The following NRXN1 variants were observed in gnomAD, a reference collection of about 807,000 sequenced individuals.
The protein encoded by NRXN1 is neurexin 1, also known as neurexin-1.
NRXN1 carries 39 observed loss-of-function variants against 150.9 expected under a neutral mutation model. The observed-to-expected ratio is 0.26, with a 90% CI of 0.20 to 0.34. NRXN1 has a LOEUF of 0.34. Ranked by LOEUF, NRXN1 falls within the 10% of genes least tolerant of loss-of-function variation. The pLI, the probability that NRXN1 is intolerant of heterozygous loss-of-function variation, is 1.00. For missense variants in NRXN1, 1,815 were observed against 1,949.9 expected (o/e 0.93, Z 1.30); for synonymous variants, 924 against 757.0 (o/e 1.22, Z -3.62).
At chr2:50,629,097 A>G (rs1252784513) in intron 5 of NRXN1, among the ~76,000 whole-genome samples, 5 of 151,674 alleles carry the variant, frequency 3.3e-5, no homozygotes, top group Non-Finnish European at 7.4e-5. Flanking sequence ...GGCCTACCCT[A>G]TGATCCACCA....
intron 2 of NRXN1, among the ~76,000 whole-genome samples, chr2:50,929,221 C>T (rs1286564940): frequency 6.6e-6 from 1 of 151,882 alleles, no homozygotes; most frequent in East Asian, 1.9e-4. Flanking sequence ...CTTAAGTATA[C>T]GGTTCTAGGA....
At chr2:50,714,427 T>C (rs1216526059) in intron 5 of NRXN1, among the ~76,000 whole-genome samples, 1 of 152,102 alleles carries the variant, frequency 6.6e-6, no homozygotes, top group African/African-American at 2.4e-5. Context: ...GCTAGGTTGG[T>C]GCATGTCCAA....
At chr2:50,259,128 C>T (rs1243365131) in intron 17 of NRXN1, among the ~76,000 whole-genome samples, 1 of 151,944 alleles carries the variant, frequency 6.6e-6, no homozygotes, top group Non-Finnish European at 1.5e-5. Context: ...CTGTCTTTTG[C>T]ACCTCTGAAA....
chr2:50,293,042 T>C (rs971402568), intron 17 of NRXN1, among the ~76,000 whole-genome samples: 3 of 152,166 alleles, frequency 2.0e-5, no homozygotes, highest in African/African-American at 7.2e-5. Flanking sequence ...TATCCATCCA[T>C]TATCTGTGCC....
At chr2:50,989,573 T>C (rs535766490) in intron 2 of NRXN1, among the ~76,000 whole-genome samples, 1 of 152,098 alleles carries the variant, frequency 6.6e-6, no homozygotes, top group Admixed American at 6.6e-5. Context: ...TCTGAGTTGG[T>C]TTCTTGCCCT....
At chr2:50,789,307 A>G (rs748852556) in intron 5 of NRXN1, among the ~76,000 whole-genome samples, 8 of 152,180 alleles carry the variant, frequency 5.3e-5, no homozygotes, top group Non-Finnish European at 1.2e-4. Flanking sequence ...TCCTTCTGTT[A>G]AATGCAATCA....
At position 50,373,294 on chromosome 2, in the gene NRXN1, TTTATTA is replaced by T. The variant is rs6146761; in HGVS notation, c.3364+92142_3364+92147del. Among the ~76,000 whole-genome samples the T allele has an allele frequency of 1.2e-3, 171 of 140,396 alleles. 1 individual carries two copies. Among genetic ancestry groups the T allele is most frequent in the Middle Eastern group, 3.6e-3 (1 of 274 alleles). 92.1% of individuals were successfully genotyped at this position (140,396 alleles called of 152,430 possible). A position where few individuals can be genotyped will look rare whatever the true frequency, so the allele number is the denominator to read the frequency against. ...ATATCAGATTTATTTTATTTTATTT[TTTATTA>T]TTATTATTATTATTATTATTATTAT... On this transcript the variant is annotated intron_variant, in intron 17 of 22. Coordinates refer to ENST00000401669, the MANE Select transcript of NRXN1 (RefSeq NM_001330078.2).
At chr2:50,759,747 G>C (rs1483704827) in intron 5 of NRXN1, among the ~76,000 whole-genome samples, 1 of 151,722 alleles carries the variant, frequency 6.6e-6, no homozygotes, top group Non-Finnish European at 1.5e-5. Flanking sequence ...GCAGTGGTGA[G>C]AACCACTGTG....
intron 8 of NRXN1, among the ~76,000 whole-genome samples, chr2:50,587,181 C>A (rs1169247192): frequency 6.6e-6 from 1 of 152,298 alleles, no homozygotes; most frequent in Admixed American, 6.5e-5. Flanking sequence ...ATTGGTGAAG[C>A]GAGCATAAGA....
intron 5 of NRXN1, among the ~76,000 whole-genome samples, chr2:50,904,484 T>C (rs1558395656): frequency 6.6e-6 from 1 of 152,092 alleles, no homozygotes; most frequent in Non-Finnish European, 1.5e-5. Context: ...AATGGGACCG[T>C]GTGGAAACTT....
At chr2:50,210,874 T>C (rs2062966998) in intron 18 of NRXN1, among the ~76,000 whole-genome samples, 1 of 151,532 alleles carries the variant, frequency 6.6e-6, no homozygotes, top group African/African-American at 2.4e-5. Context: ...TTTTAAAAAA[T>C]AAAATTACTT....
At chr2:50,284,991 A>G (rs2071942706) in intron 17 of NRXN1, among the ~76,000 whole-genome samples, 1 of 152,208 alleles carries the variant, frequency 6.6e-6, no homozygotes, top group Non-Finnish European at 1.5e-5. Flanking sequence ...AATATTAAAC[A>G]TTGAATTAAA....
At chr2:50,267,720 C>T (rs578205039) in intron 17 of NRXN1, among the ~76,000 whole-genome samples, 1 of 152,236 alleles carries the variant, frequency 6.6e-6, no homozygotes, top group African/African-American at 2.4e-5. Flanking sequence ...TTTAAGACCC[C>T]TATTGAGGGT....
chr2:50,808,630 T>A (rs1667823344), intron 5 of NRXN1, among the ~76,000 whole-genome samples: 1 of 152,088 alleles, frequency 6.6e-6, no homozygotes. Context: ...GCCCACACAA[T>A]CTAAGCATAG....
intron 17 of NRXN1, among the ~76,000 whole-genome samples, chr2:50,241,955 T>C (rs2152886924): frequency 6.6e-6 from 1 of 151,922 alleles, no homozygotes; most frequent in Admixed American, 6.6e-5. Context: ...CCTTGCTACA[T>C]GAACAATAAT....
chr2:50,690,657 G>A (rs1428943432), intron 5 of NRXN1, among the ~76,000 whole-genome samples: 2 of 152,144 alleles, frequency 1.3e-5, no homozygotes, highest in African/African-American at 4.8e-5. Context: ...ATTTGTGTAG[G>A]CATATAGTAC....
intron 21 of NRXN1, among the ~76,000 whole-genome samples, chr2:49,977,228 T>C (rs146418382): frequency 6.6e-6 from 1 of 152,306 alleles, no homozygotes; most frequent in East Asian, 1.9e-4. Context: ...TTTGGGGTTT[T>C]ACATAAAAGT....
chr2:50,722,407 G>T (rs912201352), intron 5 of NRXN1, among the ~76,000 whole-genome samples: 1 of 151,998 alleles, frequency 6.6e-6, no homozygotes, highest in Admixed American at 6.6e-5. Context: ...TAAAATATTG[G>T]TCAGGTTAAT....
intron 8 of NRXN1, among the ~76,000 whole-genome samples, chr2:50,606,695 C>G (rs1233952071): frequency 6.6e-6 from 1 of 151,260 alleles, no homozygotes; most frequent in Admixed American, 6.6e-5. Context: ...TTATCTTTTC[C>G]CAAGCCACCC....
Sources: allele counts gnomAD v4.1 joint callset (sites outside exome capture counted in the v4.1 genomes callset), GRCh38; gene constraint gnomAD v4.1.1; transcripts MANE v1.5; gene names NCBI Gene and HGNC (gene_info 2026-07-23, HGNC 2026-07-21).